RBFOX1: variants seen among roughly 807,000 people sequenced by gnomAD.
The protein encoded by RBFOX1 is RNA binding protein fox-1 homolog 1.
Under a neutral mutation model 57.7 loss-of-function variants are expected in RBFOX1, and 8 were observed. The observed-to-expected ratio is 0.14, with a 90% CI of 0.08 to 0.25. The LOEUF is 0.25. Among genes scored for constraint, RBFOX1 ranks in the 10% least tolerant of loss-of-function variants. The pLI, the probability that RBFOX1 is intolerant of heterozygous loss-of-function variation, is 1.00. For missense variants in RBFOX1, 611 were observed against 548.5 expected, an observed-to-expected ratio of 1.11 and a Z score of -1.14; for synonymous variants, 326 against 222.4, an observed-to-expected ratio of 1.47 and a Z score of -4.15.
intron 13 of RBFOX1, among the ~76,000 whole-genome samples, chr16:7,672,088 C>T (rs780894874): frequency 6.6e-6 from 1 of 152,128 alleles, no homozygotes; most frequent in Admixed American, 6.5e-5. Context: ...GGCCAGCATA[C>T]CTGACATCTA....
intron 5 of RBFOX1, among the ~76,000 whole-genome samples, chr16:7,543,294 G>A (rs1244918834): frequency 6.6e-6 from 1 of 152,180 alleles, no homozygotes; most frequent in African/African-American, 2.4e-5. Context: ...TTTGAGAACT[G>A]AGAGTCTCAC....
chr16:6,737,491 G>T (rs1034663991), intron 3 of RBFOX1, among the ~76,000 whole-genome samples: 14 of 152,134 alleles, frequency 9.2e-5, no homozygotes, highest in African/African-American at 2.2e-4. Flanking sequence ...AGTTCAGATG[G>T]CCAAAACAGC....
Position 7,020,958 on chromosome 16 carries a change from C to G in RBFOX1, c.-15-31099C>G, listed in dbSNP as rs576859433. ...CATGGCCAACATGGTGAAATCCTGTCTCTACTTAAAAATACAAAAATTAGT... is the reference window on the plus strand; with the variant it reads ...CATGGCCAACATGGTGAAATCCTGTGTCTACTTAAAAATACAAAAATTAGT... On this transcript the variant is annotated intron_variant, in intron 3 of 15. Transcript: ENST00000550418. 1.2e-3 allele frequency among the ~76,000 whole-genome samples: 178 copies of G among 152,202 alleles called. 2 individuals are homozygous for G. The highest frequency in any genetic ancestry group is 6.8e-3 in the Middle Eastern group (2 of 292).
chr16:7,343,149 G>T (rs1457912321), intron 4 of RBFOX1, among the ~76,000 whole-genome samples: 1 of 152,134 alleles, frequency 6.6e-6, no homozygotes, highest in Non-Finnish European at 1.5e-5. Flanking sequence ...CACACCGTGG[G>T]CGCTTAATAA....
At position 6,518,353 on chromosome 16, in the gene RBFOX1, C is replaced by G. The variant is rs766522376; in HGVS notation, c.-63-136250C>G. On this transcript the variant is annotated intron_variant, in intron 2 of 15. Coordinates refer to ENST00000550418, the MANE Select transcript of RBFOX1 (RefSeq NM_018723.4). Reference sequence around the variant, plus strand: ...CAGGGAAAGGACAAACTGAGAGATTCATGGCTCAAGGCTTTCTGTGGGTGT... The same window carrying G: ...CAGGGAAAGGACAAACTGAGAGATTGATGGCTCAAGGCTTTCTGTGGGTGT... Among the ~76,000 whole-genome samples, 8 of 152,272 alleles carry G rather than the reference C, an allele frequency of 5.3e-5. No homozygotes were observed. In the East Asian group the frequency reaches 1.4e-3, roughly 26 times the overall value.
At chr16:6,699,337 G>A (rs1248054556) in intron 3 of RBFOX1, among the ~76,000 whole-genome samples, 1 of 149,874 alleles carries the variant, frequency 6.7e-6, no homozygotes, top group Non-Finnish European at 1.5e-5. Flanking sequence ...CAGGATCAGT[G>A]ACTAAAATAA....
chr16:6,632,846 T>C (rs1402809916), intron 2 of RBFOX1, among the ~76,000 whole-genome samples: 1 of 152,220 alleles, frequency 6.6e-6, no homozygotes, highest in African/African-American at 2.4e-5. Flanking sequence ...TCTCTTTTCT[T>C]AAAACCTGTT....
chr16:5,756,290 G>A lies in RBFOX1; in HGVS notation c.319-111013G>A, dbSNP rs540666655. ...GCAGTGTATGGACATATGAAATGCCGTGGGGTTGTAGTGTGGTGTGATAAT... is the reference window on the plus strand; with the variant it reads ...GCAGTGTATGGACATATGAAATGCCATGGGGTTGTAGTGTGGTGTGATAAT... On this transcript the variant is annotated intron_variant, in intron 3 of 19. Transcript: ENST00000641259. Among the ~76,000 whole-genome samples, 16 of 148,444 alleles carry A rather than the reference G, an allele frequency of 1.1e-4. No homozygotes were observed. The East Asian group carries it at 2.8e-3, about 26-fold the overall frequency.
chr16:6,946,161 G>T (rs1224116534), intron 3 of RBFOX1, among the ~76,000 whole-genome samples: 1 of 152,220 alleles, frequency 6.6e-6, no homozygotes, highest in African/African-American at 2.4e-5. Flanking sequence ...ATGATTAGGG[G>T]TTGGCAAGTG....
At chr16:7,516,288 C>T (rs189871195) in intron 4 of RBFOX1, among the ~76,000 whole-genome samples, 10 of 152,186 alleles carry the variant, frequency 6.6e-5, no homozygotes, top group East Asian at 1.9e-4. Flanking sequence ...AACGCACTAA[C>T]GGACTCACTA....
intron 2 of RBFOX1, among the ~76,000 whole-genome samples, chr16:6,362,154 C>T (rs1482424672): frequency 1.3e-5 from 2 of 152,170 alleles, no homozygotes; most frequent in East Asian, 1.9e-4. Flanking sequence ...ATTTGGACCA[C>T]AAAACAAGTC....
chr16:6,328,744 T>G (rs2152803343), intron 2 of RBFOX1, among the ~76,000 whole-genome samples: 1 of 152,106 alleles, frequency 6.6e-6, no homozygotes, highest in African/African-American at 2.4e-5. Flanking sequence ...AATTCCTTTT[T>G]GGGAGGAGGG....
chr16:7,082,481 C>G (rs149342256), intron 4 of RBFOX1, among the ~76,000 whole-genome samples: 1 of 151,170 alleles, frequency 6.6e-6, no homozygotes, highest in Non-Finnish European at 1.5e-5. Context: ...ACTTGGGAGG[C>G]TGAGATGGGA....
intron 4 of RBFOX1, among the ~76,000 whole-genome samples, chr16:7,301,648 C>T (rs1406269107): frequency 1.3e-5 from 2 of 151,998 alleles, no homozygotes; most frequent in South Asian, 2.1e-4. Flanking sequence ...ATTAAAGTGC[C>T]ATGTATTATG....
chr16:7,644,662 C>T (rs919051285), intron 11 of RBFOX1, among the ~76,000 whole-genome samples: 1 of 152,174 alleles, frequency 6.6e-6, no homozygotes, highest in African/African-American at 2.4e-5. Flanking sequence ...GCTCGGTCAT[C>T]TTCTAGATGT....
At chr16:5,903,537 G>A (rs1310177690) in intron 4 of RBFOX1, among the ~76,000 whole-genome samples, 1 of 152,124 alleles carries the variant, frequency 6.6e-6, no homozygotes, top group African/African-American at 2.4e-5. Flanking sequence ...GATGATAAGT[G>A]GATAGAAAGG....
intron 2 of RBFOX1, among the ~76,000 whole-genome samples, chr16:6,514,277 A>G (rs767387238): frequency 2.0e-5 from 3 of 152,216 alleles, no homozygotes; most frequent in South Asian, 2.1e-4. Context: ...AATCCTTTCC[A>G]CTTCATCTTA....
chr16:5,515,216 T>A (rs900331311), intron 2 of RBFOX1, among the ~76,000 whole-genome samples: 53 of 152,242 alleles, frequency 3.5e-4, no homozygotes, highest in Admixed American at 3.0e-3. Flanking sequence ...ATCCAGATTG[T>A]ATCAGGTGGC....
chr16:5,400,266 A>G (rs1040025196), intron 1 of RBFOX1, among the ~76,000 whole-genome samples: 1 of 150,080 alleles, frequency 6.7e-6, no homozygotes, highest in Non-Finnish European at 1.5e-5. Flanking sequence ...TGATTTTTGT[A>G]TTTTTCAGTA....
Sources: allele counts gnomAD v4.1 joint callset (sites outside exome capture counted in the v4.1 genomes callset), GRCh38; gene constraint gnomAD v4.1.1; transcripts MANE v1.5; gene names NCBI Gene and HGNC (gene_info 2026-07-23, HGNC 2026-07-21).